CEP295: variants seen among roughly 807,000 people sequenced by gnomAD.
CEP295 encodes the protein centrosomal protein 295.
A neutral mutation model predicts 291.6 loss-of-function variants in CEP295; 190 were observed. That is an observed-to-expected ratio of 0.65 (90% CI 0.58 to 0.73). The LOEUF (loss-of-function observed/expected upper bound fraction) is 0.73, where lower values mean the gene tolerates loss of function less well. CEP295 is among the 30% of genes least tolerant of loss of function. The probability of loss-of-function intolerance (pLI) is 0.00; values close to 1 mark genes in which losing one functional copy is unlikely to be tolerated. For missense variants in CEP295, 2,863 were observed against 2,949.4 expected (o/e 0.97, Z 0.68); for synonymous variants, 993 against 1,038.8 (o/e 0.96, Z 0.85).
intron 15 of CEP295, among the ~76,000 whole-genome samples, chr11:93,701,884 G>C (rs1277517425): frequency 1.3e-5 from 2 of 152,186 alleles, no homozygotes; most frequent in African/African-American, 4.8e-5. Flanking sequence ...TTACAGGCGT[G>C]AGCCACTGCA....
At chr11:93,688,584 C>T (rs986264256) in intron 10 of CEP295, among the ~76,000 whole-genome samples, 2 of 151,998 alleles carry the variant, frequency 1.3e-5, no homozygotes, top group African/African-American at 2.4e-5. Flanking sequence ...ACTTGGTTTT[C>T]GTACTTTACT....
At position 93,671,600 on chromosome 11, in the gene CEP295, C is replaced by G. The variant is rs1473141615; in HGVS notation, c.528+1830C>G. ...GATCTGGGTGATTATATTCTTGTTT[C>G]ACTAAAAGGCATTATTTTAGAAAAA... On this transcript the variant is annotated intron_variant, in intron 5 of 29. Coordinates refer to ENST00000325212, the MANE Select transcript of CEP295 (RefSeq NM_033395.2). 2.6e-5 allele frequency among the ~76,000 whole-genome samples: 4 copies of G among 152,022 alleles called. No homozygotes were observed. The East Asian group carries it at 7.7e-4, about 29-fold the overall frequency.
At chr11:93,704,736 T>G (rs1211170016) in intron 17 of CEP295, among the ~76,000 whole-genome samples, 2 of 152,166 alleles carry the variant, frequency 1.3e-5, no homozygotes, top group Non-Finnish European at 2.9e-5. Flanking sequence ...TTTACCATAC[T>G]TCTTAGGGTA....
chr11:93,695,577 T>C lies in CEP295; in HGVS notation c.1614T>C (p.Thr538=). The C allele has an allele frequency of 2.0e-6, 3 of 1,492,690 alleles. No homozygotes were observed. Among genetic ancestry groups the C allele is most frequent in the Non-Finnish European group, 2.7e-6 (3 of 1,129,260 alleles). The allele number at this position is 1,492,690 out of a possible 1,614,324, so 92.5% of individuals were successfully genotyped here. The change falls in exon 13 of 30, where the codon ACT becomes ACC. Residue 538 remains threonine, a synonymous_variant. Transcript: ENST00000325212. ...QIEQQKLRLE[T]DCFRAQLEEE... ...AACAGCAGAAATTAAGATTAGAAAC[T>C]GACTGCTTCAGGGCTCAGCTGGAAG...
intron 25 of CEP295, 148 bp downstream of exon 25, chr11:93,728,969 A>C: frequency 1.5e-6 from 1 of 645,966 alleles, no homozygotes; most frequent in Non-Finnish European, 2.5e-6. Flanking sequence ...ATTTGTCTTA[A>C]ACCTTCACTA....
chr11:93,679,621 G>T, intron 7 of CEP295, 69 bp downstream of exon 7: 1 of 1,301,856 alleles, frequency 7.7e-7, no homozygotes. Flanking sequence ...ACTGATTAGT[G>T]AATGAGCTCA....
At chr11:93,667,830 AC>A in intron 3 of CEP295, 23 bp downstream of exon 3, 2 of 1,466,106 alleles carry the variant, frequency 1.4e-6, no homozygotes, top group Non-Finnish European at 1.8e-6. Context: ...TTATTTGACT[AC>A]CCTGTTGTGG....
chr11:93,666,975 T>C (rs761488951), intron 2 of CEP295, among the ~76,000 whole-genome samples, 160 bp downstream of exon 2: 1 of 152,220 alleles, frequency 6.6e-6, no homozygotes, highest in African/African-American at 2.4e-5. Flanking sequence ...ACTTGAAAAA[T>C]AGGCTGAGAT....
chr11:93,678,698 T>C (rs542129118), intron 6 of CEP295, among the ~76,000 whole-genome samples: 3 of 152,212 alleles, frequency 2.0e-5, no homozygotes, highest in African/African-American at 4.8e-5. Flanking sequence ...GAGGCCGAGA[T>C]GGGAGGATTG....
chr11:93,729,500 T>G lies in CEP295; in HGVS notation c.7369T>G (p.Ser2457Ala). 1 of 1,551,884 alleles carries G rather than the reference T, an allele frequency of 6.4e-7. No individual in the cohort carries two copies. The change falls in exon 26 of 30, where the codon TCC becomes GCC. Residue 2457 changes from serine (S) to alanine (A), a missense_variant. By Grantham distance (99) the Ser-to-Ala change is moderately conservative. Around this residue, in one of 3 missense-constraint regions of CEP295, gnomAD observed 2,295 missense variants for 2,335.7 expected, o/e 0.98. Transcript: ENST00000325212. ...AGATTATCCAGCTGTATCAGAACTT[T>G]CCATAGAAAAACCAAGGACAGCATC... Reference protein sequence around the residue: ...ASDYPAVSELSIEKPRTASTE... With the variant: ...ASDYPAVSELAIEKPRTASTE...
At chr11:93,668,138 G>T (rs1461472207) in intron 3 of CEP295, among the ~76,000 whole-genome samples, 9 of 152,102 alleles carry the variant, frequency 5.9e-5, no homozygotes, top group Non-Finnish European at 1.0e-4. Context: ...CAGATTTGGT[G>T]GGGTGAATTC....
rs1938284867 is a variant in CEP295 at position 93,730,341 on chromosome 11, A to G, written c.*72A>G. ...TTAGACAAAATTATTTAAAGTCAATAAATTGTTATTCGAGGAATTCCATGT... is the reference window on the plus strand; with the variant it reads ...TTAGACAAAATTATTTAAAGTCAATGAATTGTTATTCGAGGAATTCCATGT... On this transcript the variant is annotated 3_prime_UTR_variant, in exon 30 of 30. Transcript: ENST00000325212. 2 of 1,123,758 alleles carry G rather than the reference A, an allele frequency of 1.8e-6. No individual in the cohort carries two copies. Among genetic ancestry groups the G allele is most frequent in the Admixed American group, 2.0e-5 (1 of 49,832 alleles). The allele number at this position is 1,123,758 out of a possible 1,614,324, so 69.6% of individuals were successfully genotyped here.
rs751625541 is a variant in CEP295 at position 93,683,946 on chromosome 11, C to CT, written c.950-17dup. 18 of 1,539,880 alleles carry CT rather than the reference C, an allele frequency of 1.2e-5. No homozygotes were observed. The South Asian group carries it at 2.2e-4, about 19-fold the overall frequency. ...ATCATTTTGGAATGGAAACGTGTCT[C>CT]TATTTTTCTTTTTTAAGAGGTGAAA... On this transcript the variant is annotated splice_polypyrimidine_tract_variant and intron_variant, in intron 8 of 29. Transcript: ENST00000325212.
rs970473734 is a variant in CEP295 at position 93,695,529 on chromosome 11, A to G, written c.1566A>G (p.Gln522=). Residue 522 remains glutamine, a synonymous_variant, in exon 13 of 30, where the codon CAA becomes CAG. Coordinates refer to ENST00000325212, the MANE Select transcript of CEP295 (RefSeq NM_033395.2). ...AAATAGAAGAGCAGAAGCAAAAGCA[A>G]TTGGAATTACTTGAACAAATTGAAC... ...IMEIEEQKQK[Q]LELLEQIEQQ... 3 of 1,467,970 alleles carry G rather than the reference A, an allele frequency of 2.0e-6. No individual in the cohort carries two copies. Among genetic ancestry groups the G allele is most frequent in the African/African-American group, 1.5e-5 (1 of 67,634 alleles). 90.9% of individuals were successfully genotyped at this position (1,467,970 alleles called of 1,614,324 possible). A position where few individuals can be genotyped will look rare whatever the true frequency, so the allele number is the denominator to read the frequency against.
At chr11:93,704,963 A>T (rs1952422404) in intron 17 of CEP295, among the ~76,000 whole-genome samples, 1 of 152,130 alleles carries the variant, frequency 6.6e-6, no homozygotes, top group African/African-American at 2.4e-5. Context: ...CATTATGGTG[A>T]TACATAGACC....
chr11:93,682,538 T>A (rs551854804), intron 7 of CEP295, among the ~76,000 whole-genome samples: 1 of 152,268 alleles, frequency 6.6e-6, no homozygotes, highest in Admixed American at 6.5e-5. Context: ...ACCATTTTTT[T>A]AATGCAGGAT....
Position 93,679,303 on chromosome 11 carries a change from CTTATA to C in CEP295, c.625-106_625-102del, listed in dbSNP as rs900372813. 19 of 903,902 alleles carry C rather than the reference CTTATA, an allele frequency of 2.1e-5. No homozygotes were observed. In the African/African-American group the frequency reaches 2.9e-4, roughly 14 times the overall value. 56.0% of individuals were successfully genotyped at this position (903,902 alleles called of 1,614,324 possible). A position where few individuals can be genotyped will look rare whatever the true frequency, so the allele number is the denominator to read the frequency against. On this transcript the variant is annotated intron_variant, in intron 6 of 29. Coordinates refer to ENST00000325212, the MANE Select transcript of CEP295 (RefSeq NM_033395.2). ...GTGGACATTTTAAAATATAACTCTT[CTTATA>C]TTTTATATATGTAGAAAACATGATT...
In CEP295 at chr11:93,690,878, C is replaced by T. The variant is rs575689919; in HGVS notation, c.1337-805C>T. 3.9e-5 allele frequency among the ~76,000 whole-genome samples: 6 copies of T among 152,190 alleles called. No individual in the cohort carries two copies. The South Asian group carries it at 1.0e-3, about 26-fold the overall frequency. ...AATGGGCCAAGGTTTGTTTCTTTAT[C>T]CTCACGGGGCCTTTTATACCCATTG... On this transcript the variant is annotated intron_variant, in intron 10 of 29. Transcript: ENST00000325212.
rs76770740 is a variant in CEP295, at chr11:93,710,730, G to A, written c.5749+3833G>A. On this transcript the variant is annotated intron_variant, in intron 18 of 29. Transcript: ENST00000325212. ...GTGTTCGGTAAAATTCAGCAGTGAA[G>A]CGATAGTGTCCTGAGCTTTTCTTTG... Among the ~76,000 whole-genome samples, 288 of 152,274 alleles carry A rather than the reference G, an allele frequency of 1.9e-3. 11 individuals carry two copies. In the East Asian group the frequency reaches 0.053, roughly 28 times the overall value.
Sources: gnomAD v4.1 joint callset for allele counts (sites outside exome capture counted in the v4.1 genomes callset) on GRCh38, gnomAD v4.1.1 for gene constraint, gnomAD v4.1.1 regional missense constraint, MANE v1.5 for transcripts, NCBI Gene and HGNC (gene_info 2026-07-23, HGNC 2026-07-21) for gene names.